The following CCDC187 variants were observed in gnomAD, a reference collection of about 807,000 sequenced individuals.
CCDC187 encodes the protein coiled-coil domain containing 187.
CCDC187 carries 32 observed loss-of-function variants against 38.0 expected under a neutral mutation model. That is an observed-to-expected ratio of 0.84 (90% CI 0.64 to 1.13). CCDC187 has a LOEUF of 1.13. Ranked by LOEUF, CCDC187 falls within the 50% of genes most tolerant of loss-of-function variation. CCDC187 has a pLI of 0.00. For missense variants in CCDC187, 707 were observed against 786.8 expected (o/e 0.90, Z 1.21); for synonymous variants, 333 against 347.9 (o/e 0.96, Z 0.48).
At position 136,303,014 on chromosome 9, in the gene CCDC187, G is replaced by C. The variant is rs1277910259; in HGVS notation, c.423C>G (p.Pro141=). Residue 141 remains proline (P), a synonymous_variant, in exon 2 of 26, where the codon CCC becomes CCG. Transcript: ENST00000638797. The part of the protein sequence containing the change: ...WKERPPQVLG[P]QQRPRKSDAR... The stretch of plus-strand genomic sequence containing the variant: ...CGTCACTCTTTCTGGGCCTCTGCTG[G>C]GGCCCCAACACCTGGGGTGGCCTCT... 2.0e-5 allele frequency: 8 copies of C among 398,590 alleles called. No homozygotes were observed. Among genetic ancestry groups the C allele is most frequent in the Non-Finnish European group, 3.5e-5 (8 of 226,140 alleles). 24.7% of individuals were successfully genotyped at this position (398,590 alleles called of 1,614,324 possible). A position where few individuals can be genotyped will look rare whatever the true frequency, so the allele number is the denominator to read the frequency against.
chr9:136,294,247 C>T (rs1831479101), intron 4 of CCDC187, among the ~76,000 whole-genome samples: 1 of 151,968 alleles, frequency 6.6e-6, no homozygotes, highest in Non-Finnish European at 1.5e-5. Flanking sequence ...CACGTGGTCT[C>T]ACACTCTCAC....
chr9:136,255,132 C>A lies in CCDC187; in HGVS notation c.4696G>T (p.Ala1566Ser). Residue 1566 changes from alanine to serine, a missense_variant and splice_region_variant, in exon 26 of 26, where the codon GCT becomes TCT. Transcript: ENST00000638797. ...GCCGCCTCCTCAGGGACCACAGGAG[C>A]TGCTAAGAGAGGGGGCAATCAACAG... ...EAAQAAASPA[A>S]PVVPEEAAPP... The A allele has an allele frequency of 1.0e-6, 1 of 985,536 alleles. No individual in the cohort carries two copies. The highest frequency in any genetic ancestry group is 1.2e-6 in the Non-Finnish European group (1 of 830,002). The allele number at this position is 985,536 out of a possible 1,614,324, so 61.0% of individuals were successfully genotyped here. A position where few individuals can be genotyped will look rare whatever the true frequency, so the allele number is the denominator to read the frequency against.
chr9:136,292,661 C>T (rs1007895103), intron 4 of CCDC187, among the ~76,000 whole-genome samples: 16 of 152,192 alleles, frequency 1.1e-4, no homozygotes, highest in Non-Finnish European at 1.9e-4. Flanking sequence ...AAACGCCGAG[C>T]AGCAGCAGCA....
chr9:136,291,176 G>A lies in CCDC187; in HGVS notation c.1437C>T (p.Pro479=). The change falls in exon 6 of 26, where the codon CCC becomes CCT. Residue 479 remains proline (P), a synonymous_variant. Transcript: ENST00000638797. The stretch of plus-strand genomic sequence containing the variant: ...GGGAGAAGTGGCCCAACCTCTCATG[G>A]GGACTCTCCGGCCTCTGGAAGGAGC... ...QDRSFQRPES[P]HERLGHFSQR... is the part of the protein sequence containing the mutation. The A allele has an allele frequency of 2.5e-6, 1 of 398,686 alleles. No homozygotes were observed. Among genetic ancestry groups the A allele is most frequent in the Non-Finnish European group, 4.4e-6 (1 of 226,126 alleles). The allele number at this position is 398,686 out of a possible 1,614,324, so 24.7% of individuals were successfully genotyped here.
chr9:136,293,967 C>T (rs1371539751), intron 4 of CCDC187, among the ~76,000 whole-genome samples: 1 of 146,146 alleles, frequency 6.8e-6, no homozygotes, highest in African/African-American at 2.6e-5. Flanking sequence ...TATACACATG[C>T]CCTCACATGC....
rs142338600 is a variant in CCDC187, at chr9:136,257,241, C to T, written c.4367-400G>A. ...TACAAAAATTAGGCGGGCATGGTGG[C>T]GGGGGCCTATAATTCCAGCTACTCA... On this transcript the variant is annotated intron_variant, in intron 22 of 25. Transcript: ENST00000638797. This position sits in a 1 kb window ranked among gnomAD's most constrained non-coding sequence, Gnocchi z 4.5. 9.6e-3 allele frequency among the ~76,000 whole-genome samples: 1,455 copies of T among 152,168 alleles called. 6 individuals carry two copies. Among genetic ancestry groups the T allele is most frequent in the Middle Eastern group, 0.014 (4 of 292 alleles).
In CCDC187 at chr9:136,254,312, C is replaced by T. The variant is rs1027388814; in HGVS notation, c.5516G>A (p.Trp1839Ter). 3 of 977,152 alleles carry T rather than the reference C, an allele frequency of 3.1e-6. No individual in the cohort carries two copies. Among genetic ancestry groups the T allele is most frequent in the Non-Finnish European group, 2.4e-6 (2 of 822,594 alleles). 60.5% of individuals were successfully genotyped at this position (977,152 alleles called of 1,614,324 possible). A position where few individuals can be genotyped will look rare whatever the true frequency, so the allele number is the denominator to read the frequency against. The part of the protein sequence containing the change: ...MEPQVALPSP[W>*]PGEGLEASGT... Reference sequence around the variant, plus strand: ...AGAAGCTTCCAGCCCCTCCCCAGGCCATGGGGACGGAAGAGCCACCTGGGG... The same window carrying T: ...AGAAGCTTCCAGCCCCTCCCCAGGCTATGGGGACGGAAGAGCCACCTGGGG... The change falls in exon 26 of 26, where the codon TGG (tryptophan) becomes TAG (stop). Residue 1839 changes from tryptophan to a stop codon, truncating the protein, a stop_gained. Coordinates refer to ENST00000638797, the MANE Select transcript of CCDC187 (RefSeq NM_001378188.1). LOFTEE classifies it low-confidence loss of function (END_TRUNC).
upstream of CCDC187, among the ~76,000 whole-genome samples, chr9:136,306,453 G>A (rs1469592944): frequency 1.3e-5 from 2 of 152,206 alleles, no homozygotes; most frequent in Non-Finnish European, 2.9e-5. Context: ...CCTTGCCCAT[G>A]GCACACACTG....
In CCDC187 at chr9:136,297,804, T is replaced by C; in HGVS notation, c.742A>G (p.Lys248Glu). 1 of 329,076 alleles carries C rather than the reference T, an allele frequency of 3.0e-6. No individual in the cohort carries two copies. The highest frequency in any genetic ancestry group is 4.5e-5 in the East Asian group (1 of 22,048). The allele number at this position is 329,076 out of a possible 1,614,324, so 20.4% of individuals were successfully genotyped here. A position where few individuals can be genotyped will look rare whatever the true frequency, so the allele number is the denominator to read the frequency against. The change falls in exon 4 of 26, where the codon AAA (lysine) becomes GAA (glutamate). Residue 248 changes from lysine (K) to glutamate (E), a missense_variant. Physicochemically the swap from Lys to Glu is moderately conservative, Grantham distance 56 (BLOSUM62 1). Transcript: ENST00000638797. ...HQVPVLREKP[K>E]RVKSSSCKRE... The stretch of plus-strand genomic sequence containing the variant: ...TTGCAAGAACTGCTTTTGACCCTTT[T>C]GGGTTTTTCCCTCAGAACTTCAGTG...
chr9:136,297,850 G>C (rs1831573687), intron 3 of CCDC187, 29 bp from the exon 4 acceptor site: 1 of 396,750 alleles, frequency 2.5e-6, no homozygotes, highest in African/African-American at 2.1e-5. Context: ...AGGAAGGGAG[G>C]GAGGGAGGGT....
At chr9:136,269,203 G>T (rs551161552) in intron 14 of CCDC187, among the ~76,000 whole-genome samples, 3 of 152,228 alleles carry the variant, frequency 2.0e-5, no homozygotes, top group African/African-American at 7.2e-5. Flanking sequence ...AGGTCACTGG[G>T]CAGGCAGTGT....
chr9:136,255,970 TG>T (rs1261640461), intron 24 of CCDC187, among the ~76,000 whole-genome samples: 3 of 152,176 alleles, frequency 2.0e-5, no homozygotes, highest in African/African-American at 7.2e-5. Context: ...GGGGTGGGGC[TG>T]CCACTCCCAG....
Position 136,286,453 on chromosome 9 carries a change from G to A in CCDC187, c.2465C>T (p.Ala822Val), listed in dbSNP as rs1831183858. Residue 822 changes from alanine (A) to valine (V), a missense_variant, in exon 8 of 26, where the codon GCG becomes GTG. Coordinates refer to ENST00000638797, the MANE Select transcript of CCDC187 (RefSeq NM_001378188.1). ...TGTGGTCTCTAGCGCCTGCAGCTGC[G>A]CCTGCTTATGCCGGAGGTGCAGGGA... is the stretch of plus-strand genomic sequence containing the variant. The part of the protein sequence containing the change: ...SSSLHLRHKQ[A>V]QLQALETTAK... 5 of 398,738 alleles carry A rather than the reference G, an allele frequency of 1.3e-5. No homozygotes were observed. Among genetic ancestry groups the A allele is most frequent in the Non-Finnish European group, 2.2e-5 (5 of 226,120 alleles). The allele number at this position is 398,738 out of a possible 1,614,324, so 24.7% of individuals were successfully genotyped here. A position where few individuals can be genotyped will look rare whatever the true frequency, so the allele number is the denominator to read the frequency against.
Position 136,255,065 on chromosome 9 carries a change from G to A in CCDC187, c.4763C>T (p.Thr1588Ile). 2.0e-6 allele frequency: 2 copies of A among 985,542 alleles called. No individual in the cohort carries two copies. The highest frequency in any genetic ancestry group is 2.4e-6 in the Non-Finnish European group (2 of 830,014). The allele number at this position is 985,542 out of a possible 1,614,324, so 61.0% of individuals were successfully genotyped here. A position where few individuals can be genotyped will look rare whatever the true frequency, so the allele number is the denominator to read the frequency against. ...CTCAGAGCCTGGACCGCAGGAGGAG[G>A]TGGTGGGGAGAAGGGGACTGCCCTG... ...LHQGSPLLPT[T>I]SSCGPGSESA... is the part of the protein sequence containing the mutation. The change falls in exon 26 of 26, where the codon ACC (threonine) becomes ATC (isoleucine). Residue 1588 changes from threonine (T) to isoleucine (I), a missense_variant. Physicochemically the swap from Thr to Ile is moderately conservative, Grantham distance 89. Coordinates refer to ENST00000638797, the MANE Select transcript of CCDC187 (RefSeq NM_001378188.1).
At chr9:136,281,491 G>A (rs1255411942) in intron 10 of CCDC187, 60 bp downstream of exon 10, 17 of 398,560 alleles carry the variant, frequency 4.3e-5, no homozygotes, top group East Asian at 1.4e-4. Flanking sequence ...AGGTGTTCTC[G>A]GTGGATGCCC....
At position 136,258,277 on chromosome 9, in the gene CCDC187, G is replaced by A. The variant is rs1830638568; in HGVS notation, c.4366+655C>T. 6.6e-6 allele frequency among the ~76,000 whole-genome samples: 1 copy of A among 152,176 alleles called. No homozygotes were observed. Among genetic ancestry groups the A allele is most frequent in the Non-Finnish European group, 1.5e-5 (1 of 68,014 alleles). ...TCTCAACCCATCTGTCCTGAGGTTTGCTCTCCCTGGCCCCAACGGCAGGGA... is the reference window on the plus strand; with the variant it reads ...TCTCAACCCATCTGTCCTGAGGTTTACTCTCCCTGGCCCCAACGGCAGGGA... On this transcript the variant is annotated intron_variant, in intron 22 of 25. Coordinates refer to ENST00000638797, the MANE Select transcript of CCDC187 (RefSeq NM_001378188.1). This position sits in a 1 kb window ranked among gnomAD's most constrained non-coding sequence, Gnocchi z 4.3.
intron 7 of CCDC187, among the ~76,000 whole-genome samples, chr9:136,287,804 G>T (rs918303954): frequency 0.026 from 4,025 of 152,292 alleles, 121 homozygotes; most frequent in African/African-American, 0.065. Flanking sequence ...GCCAAGGGCT[G>T]GGGAGGAGAT....
At position 136,290,885 on chromosome 9, in the gene CCDC187, G is replaced by A. The variant is rs1007229997; in HGVS notation, c.1728C>T (p.Ser576=). The change falls in exon 6 of 26, where the codon TCC becomes TCT. Residue 576 remains serine, a synonymous_variant. Transcript: ENST00000638797. ...CCTGGGGGCCGGCCCTCTGCACGCC[G>A]GAGCTGCTCCAGGGCCGCTGGGCTG... ...SPPAQRPWSS[S]GVQRAGPQGK... The A allele has an allele frequency of 4.3e-4, 170 of 398,612 alleles. 1 individual carries two copies. The highest frequency in any genetic ancestry group is 2.5e-3 in the African/African-American group (121 of 48,764). The allele number at this position is 398,612 out of a possible 1,614,324, so 24.7% of individuals were successfully genotyped here. A position where few individuals can be genotyped will look rare whatever the true frequency, so the allele number is the denominator to read the frequency against.
intron 10 of CCDC187, among the ~76,000 whole-genome samples, chr9:136,278,888 AT>A (rs1160819385): frequency 2.6e-5 from 4 of 152,262 alleles, no homozygotes; most frequent in Non-Finnish European, 5.9e-5. Flanking sequence ...GGTGGCTACC[AT>A]ATTGTACAAC....
Sources: allele counts gnomAD v4.1 joint callset (sites outside exome capture counted in the v4.1 genomes callset), GRCh38; gene constraint gnomAD v4.1.1; non-coding constraint Gnocchi (gnomAD v3.1); transcripts MANE v1.5; gene names NCBI Gene and HGNC (gene_info 2026-07-23, HGNC 2026-07-21).